The following GKN2 variants were observed in gnomAD, a reference collection of about 807,000 sequenced individuals.
The protein encoded by GKN2 is gastrokine-2.
A neutral mutation model predicts 22.7 loss-of-function variants in GKN2; 17 were observed. The observed-to-expected ratio is 0.75, with a 90% CI of 0.51 to 1.13. The LOEUF (loss-of-function observed/expected upper bound fraction) is 1.13, where lower values mean the gene tolerates loss of function less well. Ranked by LOEUF, GKN2 falls within the 50% of genes most tolerant of loss-of-function variation. The pLI, the probability that GKN2 is intolerant of heterozygous loss-of-function variation, is 0.00. For missense variants in GKN2, 248 were observed against 221.4 expected (o/e 1.12, Z -0.76); for synonymous variants, 82 against 79.6 (o/e 1.03, Z -0.16).
At position 68,950,269 on chromosome 2, in the gene GKN2, T is replaced by C; in HGVS notation, c.67-6A>G. 5.0e-6 allele frequency: 8 copies of C among 1,599,918 alleles called. No homozygotes were observed. Among genetic ancestry groups the C allele is most frequent in the African/African-American group, 2.7e-5 (2 of 74,140 alleles). On this transcript the variant is annotated splice_region_variant and splice_polypyrimidine_tract_variant and intron_variant, in intron 2 of 5. Transcript: ENST00000328895. ...GGGCTGATGATGTTAAAAACCTAGA[T>C]TGAAAAGAAAGACAAAATGTTTTTC...
At position 68,946,339 on chromosome 2, in the gene GKN2, A is replaced by G. The variant is rs202137790; in HGVS notation, c.437T>C (p.Ile146Thr). The G allele has an allele frequency of 1.9e-5, 31 of 1,613,424 alleles. No homozygotes were observed. Among genetic ancestry groups the G allele is most frequent in the Non-Finnish European group, 2.5e-5 (30 of 1,179,856 alleles). The change falls in exon 5 of 6, where the codon ATC becomes ACC. Residue 146 changes from isoleucine (I) to threonine (T), a missense_variant. Physicochemically the swap from Ile to Thr is moderately conservative, Grantham distance 89. Transcript: ENST00000328895. ...AACCACTTCCCCCTTATACAAAGGG[A>G]TATGTTTGCAGAGTTTCTCAATGGG... ...GSPIEKLCKH[I>T]PLYKGEVVEN...
rs759994813 is a variant in GKN2, at chr2:68,945,331, A to G, written c.*37T>C. 2 of 1,438,556 alleles carry G rather than the reference A, an allele frequency of 1.4e-6. No homozygotes were observed. The highest frequency in any genetic ancestry group is 2.7e-5 in the South Asian group (2 of 75,208). The allele number at this position is 1,438,556 out of a possible 1,614,324, so 89.1% of individuals were successfully genotyped here. ...ACTTTTGAGTGTAAACCAAGGATGT[A>G]TTTCTTTGAAAAGATAAAACAAGAG... On this transcript the variant is annotated 3_prime_UTR_variant, in exon 6 of 6. Coordinates refer to ENST00000328895, the MANE Select transcript of GKN2 (RefSeq NM_182536.3).
At chr2:68,945,557 G>T in intron 5 of GKN2, 107 bp from the exon 6 acceptor site, 1 of 805,188 alleles carries the variant, frequency 1.2e-6, no homozygotes, top group Non-Finnish European at 2.0e-6. Context: ...TTTTGGAAGT[G>T]CTGGTTGGCT....
rs1262831720 is a variant in GKN2, at chr2:68,947,206, T to A, written c.256A>T (p.Met86Leu). Reference sequence around the variant, plus strand: ...AGAGGAGGGATGTTCTGATGGTCCATCTTCAGGATAAAGCAGGCTCTTCGG... The same window carrying A: ...AGAGGAGGGATGTTCTGATGGTCCAACTTCAGGATAAAGCAGGCTCTTCGG... Reference protein sequence around the residue: ...LSRRACFILKMDHQNIPPLNN... With the variant: ...LSRRACFILKLDHQNIPPLNN... The change falls in exon 4 of 6, where the codon ATG becomes TTG. Residue 86 changes from methionine to leucine, a missense_variant. Coordinates refer to ENST00000328895, the MANE Select transcript of GKN2 (RefSeq NM_182536.3). 1.9e-6 allele frequency: 3 copies of A among 1,613,892 alleles called. No homozygotes were observed. Among genetic ancestry groups the A allele is most frequent in the African/African-American group, 2.7e-5 (2 of 74,912 alleles).
intron 1 of GKN2, among the ~76,000 whole-genome samples, chr2:68,952,483 C>T (rs1558707826): frequency 6.6e-6 from 1 of 152,132 alleles, no homozygotes. Flanking sequence ...ATTACTATTA[C>T]TGATATTATT....
At position 68,950,758 on chromosome 2, in the gene GKN2, G is replaced by C; in HGVS notation, c.13-3C>G. 6.2e-7 allele frequency: 1 copy of C among 1,614,008 alleles called. No individual in the cohort carries two copies. Among genetic ancestry groups the C allele is most frequent in the African/African-American group, 1.3e-5 (1 of 75,014 alleles). ...GTCAGCACCACCAGAAATGCCACCT[G>C]AAAAACAGACCCACCACATCCATTC... On this transcript the variant is annotated splice_polypyrimidine_tract_variant and splice_region_variant and intron_variant, in intron 1 of 5. Transcript: ENST00000328895.
At chr2:68,951,847 T>A (rs1669860222) in intron 1 of GKN2, among the ~76,000 whole-genome samples, 1 of 152,008 alleles carries the variant, frequency 6.6e-6, no homozygotes, top group Admixed American at 6.6e-5. Context: ...GCTTGGGGAG[T>A]GTCCTCTGCC....
At chr2:68,948,286 A>G (rs1409463760) in intron 3 of GKN2, among the ~76,000 whole-genome samples, 6 of 151,486 alleles carry the variant, frequency 4.0e-5, no homozygotes, top group Non-Finnish European at 8.8e-5. Flanking sequence ...GTCCAATATG[A>G]TAGTTATTAG....
chr2:68,947,979 C>A (rs1304665033), intron 3 of GKN2, among the ~76,000 whole-genome samples: 12 of 151,970 alleles, frequency 7.9e-5, no homozygotes, highest in Non-Finnish European at 1.2e-4. Context: ...GGTGCAGTGG[C>A]TCACACCTGT....
rs1182384484 is a variant in GKN2, at chr2:68,945,625, A to G, written c.473-175T>C. 1.0e-5 allele frequency: 5 copies of G among 495,260 alleles called. No homozygotes were observed. In the East Asian group the frequency reaches 1.5e-4, roughly 15 times the overall value. 30.7% of individuals were successfully genotyped at this position (495,260 alleles called of 1,614,324 possible). A position where few individuals can be genotyped will look rare whatever the true frequency, so the allele number is the denominator to read the frequency against. ...ATGGCATACCTATGTGCCTTTATTTACTTTATGAATGAGTACTTAAAATTT... is the reference window on the plus strand; with the variant it reads ...ATGGCATACCTATGTGCCTTTATTTGCTTTATGAATGAGTACTTAAAATTT... On this transcript the variant is annotated intron_variant, in intron 5 of 5. Coordinates refer to ENST00000328895, the MANE Select transcript of GKN2 (RefSeq NM_182536.3).
In GKN2 at chr2:68,952,821, A is replaced by T. The variant is rs535123087; in HGVS notation, c.12+29T>A. Reference sequence around the variant, plus strand: ...ATTGTCTGCAAGCAGTCACCACAAGAGTATCAAGAAGCAGAAACAAATACT... The same window carrying T: ...ATTGTCTGCAAGCAGTCACCACAAGTGTATCAAGAAGCAGAAACAAATACT... On this transcript the variant is annotated intron_variant, in intron 1 of 5. Coordinates refer to ENST00000328895, the MANE Select transcript of GKN2 (RefSeq NM_182536.3). 3.1e-6 allele frequency: 5 copies of T among 1,613,276 alleles called. No individual in the cohort carries two copies. In the South Asian group the frequency reaches 4.4e-5, roughly 14 times the overall value.
intron 3 of GKN2, among the ~76,000 whole-genome samples, chr2:68,948,830 A>G (rs1219086712): frequency 6.6e-6 from 1 of 152,238 alleles, no homozygotes; most frequent in African/African-American, 2.4e-5. Flanking sequence ...AAATAGACAG[A>G]GGCTGAGCCT....
At chr2:68,948,010 C>G (rs1669796189) in intron 3 of GKN2, among the ~76,000 whole-genome samples, 1 of 151,934 alleles carries the variant, frequency 6.6e-6, no homozygotes, top group African/African-American at 2.4e-5. Context: ...CTTTGGGAGG[C>G]CGAGAAGGGC....
chr2:68,949,700 A>G (rs949134433), intron 3 of GKN2, among the ~76,000 whole-genome samples: 1 of 152,192 alleles, frequency 6.6e-6, no homozygotes, highest in Non-Finnish European at 1.5e-5. Context: ...GATTACAGGC[A>G]TGAGCCACTG....
At chr2:68,950,397 T>G (rs1669838786) in intron 2 of GKN2, 134 bp from the exon 3 acceptor site, 5 of 820,164 alleles carry the variant, frequency 6.1e-6, no homozygotes, top group Non-Finnish European at 9.4e-6. Flanking sequence ...GGGGTCCCAA[T>G]CCAAAAACTT....
rs1669765369 is a variant in GKN2 at position 68,946,365 on chromosome 2, T to C, written c.411A>G (p.Ser137=). 6.2e-7 allele frequency: 1 copy of C among 1,613,998 alleles called. No individual in the cohort carries two copies. The highest frequency in any genetic ancestry group is 8.5e-7 in the Non-Finnish European group (1 of 1,179,988). ...IKDVDWFLLG[S]PIEKLCKHIP... ...TATGTTTGCAGAGTTTCTCAATGGG[T>C]GACCCAAGCAGGAACCAATCCACGT... The change falls in exon 5 of 6, where the codon TCA becomes TCG. Residue 137 remains serine (S), a synonymous_variant. Coordinates refer to ENST00000328895, the MANE Select transcript of GKN2 (RefSeq NM_182536.3).
chr2:68,950,681 G>A, intron 2 of GKN2, 21 bp downstream of exon 2: 1 of 1,609,994 alleles, frequency 6.2e-7, no homozygotes, highest in Non-Finnish European at 8.5e-7. Context: ...AAGAGATAAA[G>A]TCCATAAGGA....
At chr2:68,947,714 C>T (rs1669790564) in intron 3 of GKN2, among the ~76,000 whole-genome samples, 1 of 152,094 alleles carries the variant, frequency 6.6e-6, no homozygotes, top group South Asian at 2.1e-4. Flanking sequence ...CCTCAGCTTC[C>T]AGAGTAGCTG....
rs766539836 is a variant in GKN2 at position 68,946,389 on chromosome 2, G to T, written c.387C>A (p.Asp129Glu). 1 of 1,613,764 alleles carries T rather than the reference G, an allele frequency of 6.2e-7. No individual in the cohort carries two copies. The highest frequency in any genetic ancestry group is 1.3e-5 in the African/African-American group (1 of 74,914). ...KYNPLESLIK[D>E]VDWFLLGSPI... is the part of the protein sequence containing the mutation. ...GTGACCCAAGCAGGAACCAATCCAC[G>T]TCTTTGATCAGAGACTCCAGAGGGT... Residue 129 changes from aspartate (D) to glutamate (E), a missense_variant, in exon 5 of 6, where the codon GAC becomes GAA. Transcript: ENST00000328895.
Sources: gnomAD v4.1 joint callset for allele counts (sites outside exome capture counted in the v4.1 genomes callset) on GRCh38, gnomAD v4.1.1 for gene constraint, MANE v1.5 for transcripts, NCBI Gene and HGNC (gene_info 2026-07-23, HGNC 2026-07-21) for gene names.